The following SPATA6L variants were observed in gnomAD, a reference collection of about 807,000 sequenced individuals.
SPATA6L encodes spermatogenesis associated 6 like.
Under a neutral mutation model 49.2 loss-of-function variants are expected in SPATA6L, and 68 were observed. The ratio of observed to expected loss-of-function variants is 1.38; its 90% CI spans 1.14 to 1.69. The LOEUF is 1.69. SPATA6L is among the 40% of genes most tolerant of loss of function. The pLI, the probability that SPATA6L is intolerant of heterozygous loss-of-function variation, is 0.00. For missense variants in SPATA6L, 668 were observed against 464.3 expected (o/e 1.44, Z -4.03); for synonymous variants, 198 against 165.7 (o/e 1.19, Z -1.50).
intron 1 of SPATA6L, 23 bp downstream of exon 1, chr9:4,666,189 G>C (rs761461663): frequency 1.2e-6 from 2 of 1,613,380 alleles, no homozygotes; most frequent in African/African-American, 1.3e-5. Flanking sequence ...AGGTTAAGGA[G>C]GGGGAGTTCA....
chr9:4,604,989 G>A (rs1824373237), intron 10 of SPATA6L, among the ~76,000 whole-genome samples: 1 of 152,144 alleles, frequency 6.6e-6, no homozygotes, highest in African/African-American at 2.4e-5. Context: ...TTCTTCCCTG[G>A]ACTGGGATTC....
At chr9:4,647,677 C>A (rs983825360) in intron 3 of SPATA6L, among the ~76,000 whole-genome samples, 11 of 151,676 alleles carry the variant, frequency 7.3e-5, no homozygotes, top group African/African-American at 2.7e-4. Flanking sequence ...AATGGCAAAC[C>A]TATGTAGAAT....
intron 3 of SPATA6L, among the ~76,000 whole-genome samples, chr9:4,651,960 C>A (rs79270228): frequency 0.012 from 1,898 of 152,198 alleles, 36 homozygotes; most frequent in African/African-American, 0.043. Context: ...GGAAATTAGA[C>A]ATGAAAATGA....
At chr9:4,597,143 C>T (rs569055756), downstream of SPATA6L, among the ~76,000 whole-genome samples, 48 of 152,094 alleles carry the variant, frequency 3.2e-4, no homozygotes, top group Admixed American at 1.6e-3. Flanking sequence ...CTGTAAATGG[C>T]AGAACTAGGA....
At position 4,659,414 on chromosome 9, in the gene SPATA6L, C is replaced by G. The variant is rs560022555; in HGVS notation, c.177+2485G>C. On this transcript the variant is annotated intron_variant, in intron 2 of 11. Coordinates refer to ENST00000682582, the MANE Select transcript of SPATA6L (RefSeq NM_001353486.2). ...AACAGAGAGCGAAATCATGAGTGAA[C>G]TCCTATTCACAATTGCTTCAAAGAG... 6.6e-5 allele frequency among the ~76,000 whole-genome samples: 10 copies of G among 151,770 alleles called. No individual in the cohort carries two copies. In the South Asian group the frequency reaches 2.1e-3, roughly 32 times the overall value.
Position 4,629,170 on chromosome 9 carries a change from T to TAAAA in SPATA6L, c.352-3_352-2insTTTT, listed in dbSNP as rs34533529. 212,075 of 1,594,620 alleles carry TAAAA rather than the reference T, an allele frequency of 0.13. 25,198 individuals carry two copies. The highest frequency in any genetic ancestry group is 0.49 in the African/African-American group (36,356 of 73,638). On this transcript the variant is annotated splice_region_variant and splice_polypyrimidine_tract_variant and intron_variant, in intron 4 of 11. Coordinates refer to ENST00000682582, the MANE Select transcript of SPATA6L (RefSeq NM_001353486.2). ...AAACTCTATTTTGGGAGCAATGCCC[T>TAAAA]ATAAAACAGCATAAAAAAAGCAAAT...
chr9:4,607,870 A>G (rs1825699474), intron 9 of SPATA6L, among the ~76,000 whole-genome samples: 1 of 150,552 alleles, frequency 6.6e-6, no homozygotes, highest in African/African-American at 2.4e-5. Flanking sequence ...AAGAGTCAAG[A>G]CCCATCAGTG....
intron 11 of SPATA6L, among the ~76,000 whole-genome samples, chr9:4,603,149 C>T (rs12004200): frequency 0.022 from 3,414 of 152,204 alleles, 118 homozygotes; most frequent in African/African-American, 0.079. Context: ...CTCTTTACTG[C>T]GACCGGGCAC....
In SPATA6L at chr9:4,599,332, T is replaced by A. The variant is rs767767218; in HGVS notation, c.*1479A>T. 6.6e-6 allele frequency among the ~76,000 whole-genome samples: 1 copy of A among 152,240 alleles called. No homozygotes were observed. The highest frequency in any genetic ancestry group is 1.5e-5 in the Non-Finnish European group (1 of 68,040). On this transcript the variant is annotated 3_prime_UTR_variant, in exon 12 of 12. Coordinates refer to ENST00000682582, the MANE Select transcript of SPATA6L (RefSeq NM_001353486.2). ...TTTGGCTGAAATTCTAAGAAGAGGA[T>A]AAATGAATTTTGTTTTGTTGTTTTT...
intron 4 of SPATA6L, chr9:4,633,730 C>T (rs1832155563): frequency 1.3e-5 from 2 of 152,242 alleles, no homozygotes; most frequent in Non-Finnish European, 1.5e-5. Flanking sequence ...TGCAGGTGGC[C>T]CTCTCTGTGA....
rs572789801 is a variant in SPATA6L, at chr9:4,604,147, C to G, written c.*1+32G>C. 3.0e-5 allele frequency: 42 copies of G among 1,420,778 alleles called. No homozygotes were observed. The East Asian group carries it at 6.2e-4, about 21-fold the overall frequency. The allele number at this position is 1,420,778 out of a possible 1,614,324, so 88.0% of individuals were successfully genotyped here. A position where few individuals can be genotyped will look rare whatever the true frequency, so the allele number is the denominator to read the frequency against. On this transcript the variant is annotated intron_variant, in intron 11 of 11. Coordinates refer to ENST00000682582, the MANE Select transcript of SPATA6L (RefSeq NM_001353486.2). ...TTTAGCAAACCAAGATAAGGAGAAG[C>G]ACTTAAGCTGCTTACTTACATAAGA...
Position 4,632,197 on chromosome 9 carries a change from T to G in SPATA6L, c.352-3029A>C, listed in dbSNP as rs1413910680. Among the ~76,000 whole-genome samples, 4 of 151,762 alleles carry G rather than the reference T, an allele frequency of 2.6e-5. No individual in the cohort carries two copies. In the East Asian group the frequency reaches 7.8e-4, roughly 29 times the overall value. On this transcript the variant is annotated intron_variant, in intron 4 of 11. Coordinates refer to ENST00000682582, the MANE Select transcript of SPATA6L (RefSeq NM_001353486.2). ...ACCATGCTCAACTAATTTTTGTATT[T>G]TCAGTAGAGACGAGGTTTCACTGTG...
Position 4,662,164 on chromosome 9 carries a change from C to T in SPATA6L, c.40-128G>A. 5.5e-6 allele frequency: 8 copies of T among 1,460,004 alleles called. No homozygotes were observed. Among genetic ancestry groups the T allele is most frequent in the Non-Finnish European group, 7.2e-6 (8 of 1,108,206 alleles). 90.4% of individuals were successfully genotyped at this position (1,460,004 alleles called of 1,614,324 possible). ...TTTCCCCATCACCTCACTCCCTCAC[C>T]TGTACCTCCCAACGCCAACATCCTC... On this transcript the variant is annotated intron_variant, in intron 1 of 11. Coordinates refer to ENST00000682582, the MANE Select transcript of SPATA6L (RefSeq NM_001353486.2). This position sits in a 1 kb window ranked among gnomAD's most constrained non-coding sequence, Gnocchi z 4.9.
rs544428789 is a variant in SPATA6L, at chr9:4,605,060, G to C, written c.1089+287C>G. ...TTAGCCTGTCTTCTCTCAGTCCTTT[G>C]AAAGGACCTCTGCTTGATGAGTGCT... is the stretch of plus-strand genomic sequence containing the variant. On this transcript the variant is annotated intron_variant, in intron 10 of 11. Transcript: ENST00000682582. Among the ~76,000 whole-genome samples, 509 of 152,140 alleles carry C rather than the reference G, an allele frequency of 3.3e-3. 4 individuals carry two copies. Among genetic ancestry groups the C allele is most frequent in the African/African-American group, 0.012 (486 of 41,512 alleles).
intron 13 of SPATA6L, among the ~76,000 whole-genome samples, chr9:4,593,039 T>C (rs1381674035): frequency 1.3e-5 from 2 of 152,236 alleles, no homozygotes; most frequent in African/African-American, 4.8e-5. Context: ...AACACTTCTA[T>C]TAGGCAGGTC....
intron 2 of SPATA6L, among the ~76,000 whole-genome samples, chr9:4,660,757 A>G (rs139635065): frequency 0.01 from 1,570 of 152,340 alleles, 37 homozygotes; most frequent in African/African-American, 0.035. Flanking sequence ...CACTATTCAC[A>G]ATAGCAAAGA....
intron 3 of SPATA6L, among the ~76,000 whole-genome samples, chr9:4,635,901 T>A (rs775461879): frequency 6.6e-6 from 1 of 152,202 alleles, no homozygotes; most frequent in Non-Finnish European, 1.5e-5. Context: ...GTGGAAATAT[T>A]TCAGGGGCAG....
downstream of SPATA6L, among the ~76,000 whole-genome samples, chr9:4,595,141 A>G (rs1304342372): frequency 6.6e-6 from 1 of 152,188 alleles, no homozygotes; most frequent in Non-Finnish European, 1.5e-5. Flanking sequence ...TCTCTCCATC[A>G]ATACCTCATT....
chr9:4,622,348 T>C lies in SPATA6L; in HGVS notation c.772+60A>G, dbSNP rs541995304. Reference sequence around the variant, plus strand: ...TGTGATTCCTCAGAATGAAAGAGTATACTCAGGACGCATTTGTTGCCATAG... The same window carrying C: ...TGTGATTCCTCAGAATGAAAGAGTACACTCAGGACGCATTTGTTGCCATAG... On this transcript the variant is annotated intron_variant, in intron 7 of 11. Transcript: ENST00000682582. 1.2e-4 allele frequency: 119 copies of C among 977,150 alleles called. No individual in the cohort carries two copies. In the Admixed American group the frequency reaches 2.1e-3, roughly 17 times the overall value. 60.5% of individuals were successfully genotyped at this position (977,150 alleles called of 1,614,324 possible). A position where few individuals can be genotyped will look rare whatever the true frequency, so the allele number is the denominator to read the frequency against.
Sources: gnomAD v4.1 joint callset for allele counts (sites outside exome capture counted in the v4.1 genomes callset) on GRCh38, gnomAD v4.1.1 for gene constraint, Gnocchi (gnomAD v3.1) non-coding constraint, MANE v1.5 for transcripts, NCBI Gene and HGNC (gene_info 2026-07-23, HGNC 2026-07-21) for gene names.